Variants in EPHA5 observed in about 807,000 individuals in gnomAD.
The protein encoded by EPHA5 is EPH receptor A5, also known as ephrin type-A receptor 5.
In EPHA5, 60 loss-of-function variants were observed where a neutral mutation model predicts 105.0. The observed-to-expected ratio is 0.57, with a 90% CI of 0.46 to 0.71. EPHA5 has a LOEUF of 0.71. Ranked by LOEUF, EPHA5 falls within the 30% of genes least tolerant of loss-of-function variation. The pLI, the probability that EPHA5 is intolerant of heterozygous loss-of-function variation, is 0.00. For synonymous variants in EPHA5, 513 were observed against 449.1 expected, an observed-to-expected ratio of 1.14 and a Z score of -1.80; for missense variants, 1,218 against 1,274.7, an observed-to-expected ratio of 0.96 and a Z score of 0.68.
intron 2 of EPHA5, among the ~76,000 whole-genome samples, chr4:65,637,039 G>T (rs779128541): frequency 1.3e-4 from 19 of 151,944 alleles, no homozygotes; most frequent in Non-Finnish European, 2.1e-4. Flanking sequence ...GAGAGTTAAA[G>T]TTACTATCAT....
In EPHA5 at chr4:65,506,536, G is replaced by A. The variant is rs555039920; in HGVS notation, c.911-10993C>T. Among the ~76,000 whole-genome samples the A allele has an allele frequency of 2.3e-4, 33 of 144,814 alleles. 7 individuals carry two copies. Among genetic ancestry groups the A allele is most frequent in the Non-Finnish European group, 4.0e-4 (26 of 65,660 alleles). On this transcript the variant is annotated intron_variant, in intron 3 of 16. Coordinates refer to ENST00000613740, the MANE Select transcript of EPHA5 (RefSeq NM_001281766.3). The stretch of plus-strand genomic sequence containing the variant: ...GTTGTTTCCTGACTTTTTAATGATC[G>A]CCATTCTAACTGATGTGAGATGGTA...
intron 2 of EPHA5, among the ~76,000 whole-genome samples, chr4:65,608,139 T>C (rs913549788): frequency 6.6e-6 from 1 of 152,156 alleles, no homozygotes; most frequent in Non-Finnish European, 1.5e-5. Flanking sequence ...CCATGGCACG[T>C]GTATTACCTA....
intron 2 of EPHA5, among the ~76,000 whole-genome samples, chr4:65,622,417 A>T (rs894873705): frequency 6.6e-6 from 1 of 152,030 alleles, no homozygotes; most frequent in Admixed American, 6.6e-5. Context: ...AACATGGCAG[A>T]TTTGAAAAAA....
At chr4:65,596,152 A>G (rs896595196) in intron 3 of EPHA5, among the ~76,000 whole-genome samples, 2 of 152,244 alleles carry the variant, frequency 1.3e-5, no homozygotes, top group Non-Finnish European at 1.5e-5. Flanking sequence ...TTGCAAAGGT[A>G]TCCAGTCCAT....
At chr4:65,553,085 C>T (rs1738077541) in intron 3 of EPHA5, among the ~76,000 whole-genome samples, 1 of 152,000 alleles carries the variant, frequency 6.6e-6, no homozygotes. Flanking sequence ...ATTAATGTCT[C>T]CCAGACATAT....
At chr4:65,513,252 T>G (rs1402939115) in intron 3 of EPHA5, among the ~76,000 whole-genome samples, 2 of 152,196 alleles carry the variant, frequency 1.3e-5, no homozygotes. Context: ...ACACAGATAG[T>G]ATAATAGCAA....
intron 1 of EPHA5, among the ~76,000 whole-genome samples, chr4:65,666,924 T>A (rs1750014790): frequency 6.6e-6 from 1 of 152,172 alleles, no homozygotes; most frequent in South Asian, 2.1e-4. Flanking sequence ...TACACTTACA[T>A]TTATTCTGTA....
chr4:65,551,087 T>G (rs1290070822), intron 3 of EPHA5, among the ~76,000 whole-genome samples: 3 of 151,882 alleles, frequency 2.0e-5, no homozygotes, highest in Non-Finnish European at 4.4e-5. Context: ...CGTATGTATA[T>G]TCACATATAT....
intron 5 of EPHA5, among the ~76,000 whole-genome samples, chr4:65,475,444 TA>T (rs1729701015): frequency 6.6e-6 from 1 of 152,140 alleles, no homozygotes; most frequent in Non-Finnish European, 1.5e-5. Flanking sequence ...ATGCTTGATT[TA>T]AACATAACTT....
intron 2 of EPHA5, among the ~76,000 whole-genome samples, chr4:65,608,303 G>A (rs1744434085): frequency 1.3e-5 from 2 of 152,054 alleles, no homozygotes; most frequent in South Asian, 4.1e-4. Flanking sequence ...AGGAGATCGA[G>A]ACCATCCTGA....
At chr4:65,583,847 A>C (rs1741874738) in intron 3 of EPHA5, among the ~76,000 whole-genome samples, 1 of 151,866 alleles carries the variant, frequency 6.6e-6, no homozygotes, top group Admixed American at 6.6e-5. Context: ...GACTAAATGT[A>C]TACATAAAAT....
intron 11 of EPHA5, among the ~76,000 whole-genome samples, chr4:65,355,957 C>G (rs890084158): frequency 6.6e-6 from 1 of 151,434 alleles, no homozygotes; most frequent in Non-Finnish European, 1.5e-5. Flanking sequence ...TACTTGGATT[C>G]TGCCTGATTT....
intron 9 of EPHA5, among the ~76,000 whole-genome samples, chr4:65,366,984 A>C (rs2148895195): frequency 6.6e-6 from 1 of 151,894 alleles, no homozygotes; most frequent in African/African-American, 2.4e-5. Flanking sequence ...AAAACCTGAG[A>C]AATTTTATTT....
chr4:65,399,952 A>T (rs7658065), intron 8 of EPHA5, among the ~76,000 whole-genome samples: 26 of 152,182 alleles, frequency 1.7e-4, no homozygotes, highest in African/African-American at 6.0e-4. Context: ...TAAGCTTTTC[A>T]TCAGCCTCTG....
At chr4:65,462,279 G>C (rs997934753) in intron 5 of EPHA5, among the ~76,000 whole-genome samples, 4 of 152,040 alleles carry the variant, frequency 2.6e-5, no homozygotes, top group African/African-American at 9.7e-5. Context: ...TCAGTAAGAA[G>C]AACAATTATA....
chr4:65,590,804 A>G (rs939060232), intron 3 of EPHA5, among the ~76,000 whole-genome samples: 1 of 152,150 alleles, frequency 6.6e-6, no homozygotes, highest in African/African-American at 2.4e-5. Flanking sequence ...CATTTAGCAT[A>G]TTATTCCTAA....
chr4:65,548,436 A>G (rs1390622910), intron 3 of EPHA5, among the ~76,000 whole-genome samples: 4 of 151,626 alleles, frequency 2.6e-5, no homozygotes, highest in South Asian at 4.2e-4. Flanking sequence ...GACAAAGATA[A>G]TGCACTAAGA....
At chr4:65,629,301 A>T (rs1746421965) in intron 2 of EPHA5, among the ~76,000 whole-genome samples, 1 of 152,212 alleles carries the variant, frequency 6.6e-6, no homozygotes, top group South Asian at 2.1e-4. Flanking sequence ...CTAAGGAAAC[A>T]ATGAGCTAAT....
chr4:65,390,724 C>T (rs540452980), intron 8 of EPHA5, among the ~76,000 whole-genome samples: 39 of 151,938 alleles, frequency 2.6e-4, no homozygotes, highest in Non-Finnish European at 4.6e-4. Flanking sequence ...CTGAGATTGT[C>T]ATTTATAATA....
Sources: allele counts gnomAD v4.1 joint callset (sites outside exome capture counted in the v4.1 genomes callset), GRCh38; gene constraint gnomAD v4.1.1; transcripts MANE v1.5; gene names NCBI Gene and HGNC (gene_info 2026-07-23, HGNC 2026-07-21).